GLB1: variants seen among roughly 807,000 people sequenced by gnomAD.
GLB1 encodes the protein galactosidase beta 1, also known as beta-galactosidase.
In GLB1, 56 loss-of-function variants were observed where a neutral mutation model predicts 74.0. The ratio of observed to expected loss-of-function variants is 0.76; its 90% CI spans 0.61 to 0.94. GLB1 has a LOEUF of 0.94. Ranked by LOEUF, GLB1 falls within the 40% of genes least tolerant of loss-of-function variation. The probability of loss-of-function intolerance (pLI) is 0.00; values close to 1 mark genes in which losing one functional copy is unlikely to be tolerated. For synonymous variants in GLB1, 323 were observed against 323.6 expected, an observed-to-expected ratio of 1.00 and a Z score of 0.02; for missense variants, 787 against 845.5, an observed-to-expected ratio of 0.93 and a Z score of 0.86.
intron 5 of GLB1, among the ~76,000 whole-genome samples, chr3:33,058,744 C>G (rs570770951): frequency 6.6e-6 from 1 of 152,298 alleles, no homozygotes; most frequent in East Asian, 1.9e-4. Flanking sequence ...AAATAATATA[C>G]AGCAGTGTTT....
chr3:33,021,750 T>A, intron 11 of GLB1, 95 bp from the exon 12 acceptor site: 1 of 1,404,944 alleles, frequency 7.1e-7, no homozygotes, highest in Non-Finnish European at 9.8e-7. Flanking sequence ...ATCAGTGGGT[T>A]TGACCAAACC....
rs149690616 is a variant in GLB1, at chr3:32,997,465, G to A, written c.1735-121C>T. 7.1e-5 allele frequency: 106 copies of A among 1,483,772 alleles called. 2 individuals carry two copies. The East Asian group carries it at 1.9e-3, about 27-fold the overall frequency. The allele number at this position is 1,483,772 out of a possible 1,614,324, so 91.9% of individuals were successfully genotyped here. A position where few individuals can be genotyped will look rare whatever the true frequency, so the allele number is the denominator to read the frequency against. The stretch of plus-strand genomic sequence containing the variant: ...AGGAAAGAAATGCCCCCAGAAAGGC[G>A]AGGCTGACAGCCAGGCCCATGCCAG... On this transcript the variant is annotated intron_variant, in intron 15 of 15. Transcript: ENST00000307363.
intron 11 of GLB1, among the ~76,000 whole-genome samples, chr3:33,021,868 GTC>G (rs1378714680): frequency 1.3e-5 from 2 of 152,166 alleles, no homozygotes; most frequent in African/African-American, 2.4e-5. Flanking sequence ...AATGATAGTA[GTC>G]TTAAAAAGGT....
At chr3:32,986,517 T>G in the GLB1 span, among the ~76,000 whole-genome samples, 5 of 152,142 alleles carry the variant, frequency 3.3e-5, no homozygotes, top group Non-Finnish European at 7.4e-5. Flanking sequence ...TTCTCAACAC[T>G]GCCCATCCCC....
chr3:33,008,735 T>G lies in GLB1; in HGVS notation c.1734+5321A>C, dbSNP rs78293475. ...ACTGGTGAACCAGCAGAGACACCAGTAGTGGATCCATTCTACATGGAGGAG... is the reference window on the plus strand; with the variant it reads ...ACTGGTGAACCAGCAGAGACACCAGGAGTGGATCCATTCTACATGGAGGAG... On this transcript the variant is annotated intron_variant, in intron 15 of 15. Transcript: ENST00000307363. Among the ~76,000 whole-genome samples the G allele has an allele frequency of 8.9e-3, 1,358 of 151,958 alleles. 20 individuals are homozygous for G. Among genetic ancestry groups the G allele is most frequent in the African/African-American group, 0.031 (1,274 of 41,444 alleles).
chr3:33,096,902 G>A, intron 1 of GLB1, 109 bp downstream of exon 1: 2 of 1,511,658 alleles, frequency 1.3e-6, no homozygotes, highest in Non-Finnish European at 1.8e-6. Flanking sequence ...GCACTTCGGG[G>A]CTCAGGCTCC....
chr3:33,064,776 C>CAAAAAA (rs36181668), intron 5 of GLB1, among the ~76,000 whole-genome samples: 4,734 of 64,264 alleles, frequency 0.074, 590 homozygotes, highest in Non-Finnish European at 0.097. Context: ...GACTCTCTCT[C>CAAAAAA]AAAAAAAAAA....
chr3:33,090,802 G>C, intron 1 of GLB1: 10 of 985,358 alleles, frequency 1.0e-5, no homozygotes, highest in Non-Finnish European at 1.2e-5. Context: ...ACATAGGATG[G>C]ACCTGTTTTC....
chr3:33,090,943 T>A, intron 1 of GLB1: 2 of 984,840 alleles, frequency 2.0e-6, no homozygotes, highest in South Asian at 9.4e-5. Context: ...AAAATAGGAC[T>A]TAATGAAAGC....
At chr3:33,059,580 G>A (rs1699361775) in intron 5 of GLB1, among the ~76,000 whole-genome samples, 1 of 152,170 alleles carries the variant, frequency 6.6e-6, no homozygotes, top group African/African-American at 2.4e-5. Context: ...TAAAGTCTGA[G>A]TACACACATA....
chr3:33,096,531 G>A (rs1701035909), intron 1 of GLB1: 1 of 985,332 alleles, frequency 1.0e-6, no homozygotes, highest in Non-Finnish European at 1.2e-6. Context: ...AGAGCACCCA[G>A]AGGGGAAATA....
At chr3:33,004,029 CAA>C (rs1252059060) in intron 15 of GLB1, among the ~76,000 whole-genome samples, 3 of 141,860 alleles carry the variant, frequency 2.1e-5, no homozygotes, top group Admixed American at 7.0e-5. Context: ...GACTCCATTT[CAA>C]AAAAAAAAAG....
intron 1 of GLB1, among the ~76,000 whole-genome samples, chr3:33,074,251 G>A (rs569512565): frequency 4.7e-5 from 7 of 149,582 alleles, no homozygotes; most frequent in African/African-American, 4.9e-5. Flanking sequence ...TGGAGGTTGC[G>A]GTGAGCCGAG....
intron 1 of GLB1, chr3:33,092,017 T>G (rs536553299): frequency 2.0e-6 from 2 of 984,572 alleles, no homozygotes; most frequent in African/African-American, 3.5e-5. Flanking sequence ...CTTGGTTTCC[T>G]TATCTCCAAA....
intron 1 of GLB1, among the ~76,000 whole-genome samples, chr3:33,078,598 A>G (rs752514966): frequency 6.6e-6 from 1 of 152,234 alleles, no homozygotes. Context: ...TAAAAGTCCA[A>G]TGATTCAGTT....
chr3:33,059,424 T>G (rs1452589189), intron 5 of GLB1, among the ~76,000 whole-genome samples: 1 of 152,186 alleles, frequency 6.6e-6, no homozygotes, highest in African/African-American at 2.4e-5. Context: ...AACATTGCTC[T>G]GAAGCAATAA....
the GLB1 span, among the ~76,000 whole-genome samples, chr3:32,988,123 T>A: frequency 2.4e-3 from 354 of 146,948 alleles, 2 homozygotes; most frequent in Admixed American, 5.4e-3. Flanking sequence ...GAGGCAGAGG[T>A]TGCAGTGAGC....
chr3:33,066,960 TC>T lies in GLB1; in HGVS notation c.457+1269del, dbSNP rs376017802. ...AGAAGGCATTGCAGCTACCAAGCAATCCAATGACACCATCCCAGAAACTGTC... is the reference window on the plus strand; with the variant it reads ...AGAAGGCATTGCAGCTACCAAGCAATCAATGACACCATCCCAGAAACTGTC... On this transcript the variant is annotated intron_variant, in intron 4 of 15. Transcript: ENST00000307363. 2.4e-4 allele frequency among the ~76,000 whole-genome samples: 37 copies of T among 151,526 alleles called. 1 individual carries two copies. The South Asian group carries it at 7.7e-3, about 32-fold the overall frequency.
downstream of GLB1, among the ~76,000 whole-genome samples, chr3:32,993,123 C>T (rs1029747734): frequency 2.0e-5 from 3 of 152,260 alleles, no homozygotes; most frequent in South Asian, 2.1e-4. Context: ...ATAAAGACCA[C>T]ATGAGATCAT....
Sources: gnomAD v4.1 joint callset for allele counts (sites outside exome capture counted in the v4.1 genomes callset) on GRCh38, gnomAD v4.1.1 for gene constraint, MANE v1.5 for transcripts, NCBI Gene and HGNC (gene_info 2026-07-23, HGNC 2026-07-21) for gene names.